DNAH6: variants seen among roughly 807,000 people sequenced by gnomAD.
DNAH6 encodes the protein axonemal beta dynein heavy chain 6.
Under a neutral mutation model 491.4 loss-of-function variants are expected in DNAH6, and 340 were observed. The observed-to-expected ratio is 0.69, with a 90% CI of 0.63 to 0.76. The LOEUF (loss-of-function observed/expected upper bound fraction) is 0.76. Ranked by LOEUF, DNAH6 falls within the 30% of genes least tolerant of loss-of-function variation. DNAH6 has a pLI of 0.00. For missense variants in DNAH6, 4,443 were observed against 4,972.2 expected (o/e 0.89, Z 3.20); for synonymous variants, 1,603 against 1,686.1 (o/e 0.95, Z 1.21).
At chr2:84,549,427 A>C (rs1679108522) in intron 8 of DNAH6, among the ~76,000 whole-genome samples, 1 of 152,234 alleles carries the variant, frequency 6.6e-6, no homozygotes, top group Non-Finnish European at 1.5e-5. Context: ...TAAGCACTCA[A>C]GTAAGGAAAC....
chr2:84,529,611 C>A (rs529992709), intron 4 of DNAH6, among the ~76,000 whole-genome samples: 1 of 152,062 alleles, frequency 6.6e-6, no homozygotes, highest in African/African-American at 2.4e-5. Context: ...GAATAATATC[C>A]ACACACTTTC....
chr2:84,467,085 TC>T, the DNAH6 span, among the ~76,000 whole-genome samples: 1 of 152,242 alleles, frequency 6.6e-6, no homozygotes, highest in Non-Finnish European at 1.5e-5. Context: ...TTGCATTTAT[TC>T]CAATGTTCAG....
At chr2:84,779,457 C>T (rs1219202813) in intron 64 of DNAH6, among the ~76,000 whole-genome samples, 2 of 152,136 alleles carry the variant, frequency 1.3e-5, no homozygotes. Flanking sequence ...TAAGAATAGT[C>T]ACTTCCTCTT....
In DNAH6 at chr2:84,534,510, C is replaced by G. The variant is rs1219701530; in HGVS notation, c.662+5344C>G. On this transcript the variant is annotated intron_variant, in intron 4 of 76. Transcript: ENST00000389394. ...AAACACTTCCTTTAGGTTTCTAAGA[C>G]AAACTCAGTTTATCAGCAAAACTCT... Among the ~76,000 whole-genome samples the G allele has an allele frequency of 2.0e-5, 3 of 152,064 alleles. No individual in the cohort carries two copies. The East Asian group carries it at 5.8e-4, about 29-fold the overall frequency.
chr2:84,715,467 C>T (rs780001692), intron 57 of DNAH6, 93 bp from the exon 58 acceptor site: 85 of 1,203,280 alleles, frequency 7.1e-5, no homozygotes, highest in Middle Eastern at 5.3e-4. Context: ...GAGATACATC[C>T]GCCTGGGTAG....
chr2:84,696,667 TGAA>T (rs1320423560), intron 46 of DNAH6, among the ~76,000 whole-genome samples: 1 of 151,900 alleles, frequency 6.6e-6, no homozygotes, highest in African/African-American at 2.4e-5. Flanking sequence ...AAGTTTCAAA[TGAA>T]GAAAACAAAA....
intron 9 of DNAH6, among the ~76,000 whole-genome samples, chr2:84,551,859 C>T (rs938306369): frequency 2.0e-5 from 3 of 152,062 alleles, no homozygotes; most frequent in Non-Finnish European, 4.4e-5. Flanking sequence ...ACCAGCCTGG[C>T]CAACTTGGTG....
Position 84,634,518 on chromosome 2 carries a change from C to A in DNAH6, c.4530C>A (p.Phe1510Leu). 1 of 1,543,284 alleles carries A rather than the reference C, an allele frequency of 6.5e-7. No individual in the cohort carries two copies. Among genetic ancestry groups the A allele is most frequent in the Non-Finnish European group, 8.7e-7 (1 of 1,144,132 alleles). The stretch of plus-strand genomic sequence containing the variant: ...TTTGATTTCAGATGATGGGGCGCTT[C>A]TTCAGTGGCTTGGCACAGTCAGGGG... ...DGLDYKMMGR[F>L]FSGLAQSGAW... The change falls in exon 30 of 77, where the codon TTC becomes TTA. Residue 1510 changes from phenylalanine (F) to leucine (L), a missense_variant. Around this residue, in one of 3 missense-constraint regions of DNAH6, gnomAD observed 2,977 missense variants for 3,296.6 expected, o/e 0.90. Transcript: ENST00000389394.
rs183681110 is a variant in DNAH6, at chr2:84,650,044, T to C, written c.5079-3275T>C. On this transcript the variant is annotated intron_variant, in intron 33 of 76. Coordinates refer to ENST00000389394, the MANE Select transcript of DNAH6 (RefSeq NM_001370.2). ...TTCCCTGTTCATAAGGTGTCATTTTTTTTTTCTTCTGGCTGCTGCTAAAAT... is the reference window on the plus strand; with the variant it reads ...TTCCCTGTTCATAAGGTGTCATTTTCTTTTTCTTCTGGCTGCTGCTAAAAT... 7.9e-5 allele frequency among the ~76,000 whole-genome samples: 12 copies of C among 152,338 alleles called. 1 individual carries two copies.
the DNAH6 span, among the ~76,000 whole-genome samples, chr2:84,487,179 CTT>C: frequency 9.9e-5 from 15 of 152,176 alleles, no homozygotes; most frequent in African/African-American, 4.8e-5. Context: ...TTACATAAGA[CTT>C]TTAAAAGTAC....
intron 58 of DNAH6, among the ~76,000 whole-genome samples, chr2:84,715,838 C>T (rs760153082): frequency 1.2e-4 from 18 of 152,042 alleles, no homozygotes; most frequent in Non-Finnish European, 2.1e-4. Context: ...TTCTCAAGGA[C>T]GTCAAGGATA....
At chr2:84,540,984 T>C (rs999839286) in intron 4 of DNAH6, among the ~76,000 whole-genome samples, 2 of 152,220 alleles carry the variant, frequency 1.3e-5, no homozygotes, top group Non-Finnish European at 2.9e-5. Flanking sequence ...GTAGGAATTT[T>C]ATAACACAGC....
At chr2:84,656,652 G>A (rs542228711) in intron 35 of DNAH6, among the ~76,000 whole-genome samples, 8 of 152,042 alleles carry the variant, frequency 5.3e-5, no homozygotes, top group African/African-American at 1.9e-4. Flanking sequence ...TCTTATTGTT[G>A]AATTTTAAGA....
At chr2:84,703,634 G>T in intron 50 of DNAH6, 72 bp downstream of exon 50, 2 of 1,263,232 alleles carry the variant, frequency 1.6e-6, no homozygotes, top group South Asian at 4.8e-5. Context: ...AATGAGACAC[G>T]ATTGGATTTT....
intron 69 of DNAH6, 96 bp downstream of exon 69, chr2:84,796,521 T>G: frequency 1.8e-6 from 2 of 1,090,048 alleles, no homozygotes; most frequent in Non-Finnish European, 2.5e-6. Context: ...GTGTCAGGTC[T>G]CCACAACGCT....
the DNAH6 span, among the ~76,000 whole-genome samples, chr2:84,503,591 A>G: frequency 1.1e-3 from 165 of 152,072 alleles, 5 homozygotes; most frequent in South Asian, 9.1e-3. Flanking sequence ...TGATGATGAA[A>G]TCCCTCGGCT....
chr2:84,663,482 G>C (rs1379239825), intron 37 of DNAH6, among the ~76,000 whole-genome samples: 1 of 151,344 alleles, frequency 6.6e-6, no homozygotes, highest in Non-Finnish European at 1.5e-5. Flanking sequence ...CTATCAATTG[G>C]AAGAAAGGGT....
At chr2:84,517,776 T>TG in intron 1 of DNAH6, 43 bp from the exon 2 acceptor site, 1 of 1,456,736 alleles carries the variant, frequency 6.9e-7, no homozygotes, top group Non-Finnish European at 9.3e-7. Flanking sequence ...CCAATCCTTT[T>TG]GATCTACTTT....
the DNAH6 span, among the ~76,000 whole-genome samples, chr2:84,492,281 A>C: frequency 2.6e-5 from 4 of 152,208 alleles, no homozygotes; most frequent in Admixed American, 2.6e-4. Context: ...CCCTTAGAGT[A>C]GAGACCTTCT....
Sources: gnomAD v4.1 joint callset for allele counts (sites outside exome capture counted in the v4.1 genomes callset) on GRCh38, gnomAD v4.1.1 for gene constraint, gnomAD v4.1.1 regional missense constraint, MANE v1.5 for transcripts, NCBI Gene and HGNC (gene_info 2026-07-23, HGNC 2026-07-21) for gene names.